KHDRBS3: variants seen among roughly 807,000 people sequenced by gnomAD.
The protein encoded by KHDRBS3 is KH domain-containing, RNA-binding, signal transduction-associated protein 3.
KHDRBS3 carries 23 observed loss-of-function variants against 45.6 expected under a neutral mutation model. The ratio of observed to expected loss-of-function variants is 0.50; its 90% CI spans 0.36 to 0.72. The LOEUF (loss-of-function observed/expected upper bound fraction) is 0.72, where lower values mean the gene tolerates loss of function less well. Among genes scored for constraint, KHDRBS3 ranks in the 30% least tolerant of loss-of-function variants. The pLI is 0.00. For synonymous variants in KHDRBS3, 162 were observed against 156.5 expected (o/e 1.04, Z -0.26); for missense variants, 352 against 424.8 (o/e 0.83, Z 1.51).
intron 7 of KHDRBS3, chr8:135,625,668 A>G: frequency 1.2e-6 from 1 of 822,682 alleles, no homozygotes; most frequent in Middle Eastern, 2.5e-4. Context: ...AACGAATTCA[A>G]AATTTTCCTG....
intron 1 of KHDRBS3, among the ~76,000 whole-genome samples, chr8:135,473,311 A>G (rs1434357528): frequency 6.6e-6 from 1 of 152,060 alleles, no homozygotes; most frequent in Non-Finnish European, 1.5e-5. Context: ...CATTTAGACG[A>G]CGCGCTTTGT....
downstream of KHDRBS3, among the ~76,000 whole-genome samples, chr8:135,649,341 A>G (rs1831382722): frequency 6.6e-6 from 1 of 152,194 alleles, no homozygotes; most frequent in Non-Finnish European, 1.5e-5. Context: ...AATGATGCTT[A>G]TCCCATGCAG....
chr8:135,485,842 T>TTATGTATA (rs1554615384), intron 1 of KHDRBS3, among the ~76,000 whole-genome samples: 1 of 120,346 alleles, frequency 8.3e-6, no homozygotes, highest in African/African-American at 3.7e-5. Flanking sequence ...CATTTCAAGT[T>TTATGTATA]TATATATATA....
chr8:135,588,222 AC>A (rs1221781538), intron 6 of KHDRBS3, among the ~76,000 whole-genome samples: 1 of 152,108 alleles, frequency 6.6e-6, no homozygotes, highest in Non-Finnish European at 1.5e-5. Flanking sequence ...ATTTGTTAGA[AC>A]GGCTCAGAAC....
intron 2 of KHDRBS3, among the ~76,000 whole-genome samples, chr8:135,528,136 CA>C (rs1825286216): frequency 6.6e-6 from 1 of 152,148 alleles, no homozygotes; most frequent in Non-Finnish European, 1.5e-5. Context: ...ATACTATCTG[CA>C]GTAACTTTGT....
At chr8:135,472,905 C>T (rs1280236758) in intron 1 of KHDRBS3, among the ~76,000 whole-genome samples, 1 of 152,144 alleles carries the variant, frequency 6.6e-6, no homozygotes, top group Admixed American at 6.5e-5. Flanking sequence ...ATCCTTGTGG[C>T]TCTATCACCA....
intron 3 of KHDRBS3, among the ~76,000 whole-genome samples, chr8:135,544,707 C>G (rs1826204742): frequency 6.6e-6 from 1 of 152,118 alleles, no homozygotes; most frequent in Non-Finnish European, 1.5e-5. Context: ...CATGGGACAC[C>G]CTGATTTTAC....
At chr8:135,557,244 T>C (rs914052218) in intron 4 of KHDRBS3, among the ~76,000 whole-genome samples, 1 of 152,198 alleles carries the variant, frequency 6.6e-6, no homozygotes, top group African/African-American at 2.4e-5. Context: ...AATTTTAGCT[T>C]GAGGAAAAAA....
chr8:135,640,061 G>GA (rs1056800554), intron 7 of KHDRBS3, among the ~76,000 whole-genome samples: 52 of 152,180 alleles, frequency 3.4e-4, no homozygotes, highest in African/African-American at 1.2e-3. Context: ...AACTTTCAAA[G>GA]AAGAGATTGA....
intron 4 of KHDRBS3, among the ~76,000 whole-genome samples, chr8:135,552,507 C>T (rs374450649): frequency 5.3e-5 from 8 of 152,122 alleles, no homozygotes; most frequent in African/African-American, 1.9e-4. Context: ...TGCTTTTCTC[C>T]CCCTGAGTAT....
chr8:135,635,643 A>G (rs992259098), intron 7 of KHDRBS3, among the ~76,000 whole-genome samples: 2 of 152,230 alleles, frequency 1.3e-5, no homozygotes, highest in Non-Finnish European at 2.9e-5. Context: ...TCGGTCTCCC[A>G]AAGTGCTGGG....
intron 1 of KHDRBS3, among the ~76,000 whole-genome samples, chr8:135,520,387 G>A (rs1203683687): frequency 6.6e-6 from 1 of 152,014 alleles, no homozygotes; most frequent in African/African-American, 2.4e-5. Context: ...TGGGCCATAG[G>A]GTGGATGAAA....
chr8:135,603,853 G>T (rs181758406), intron 6 of KHDRBS3, among the ~76,000 whole-genome samples: 3 of 152,214 alleles, frequency 2.0e-5, no homozygotes, highest in Admixed American at 6.5e-5. Context: ...TGTTTCATGC[G>T]CAGTGGAGAA....
At chr8:135,489,858 T>A (rs1001535792) in intron 1 of KHDRBS3, among the ~76,000 whole-genome samples, 1 of 152,214 alleles carries the variant, frequency 6.6e-6, no homozygotes, top group Non-Finnish European at 1.5e-5. Flanking sequence ...TGTGCAGTGA[T>A]GTCCTAGGCC....
At chr8:135,601,929 A>C (rs1267211326) in intron 6 of KHDRBS3, among the ~76,000 whole-genome samples, 6 of 152,218 alleles carry the variant, frequency 3.9e-5, no homozygotes, top group Non-Finnish European at 8.8e-5. Flanking sequence ...GCAACCAGTG[A>C]TTCAGAACAC....
chr8:135,654,525 C>T (rs956892292), intron 4 of KHDRBS3, among the ~76,000 whole-genome samples: 7 of 152,128 alleles, frequency 4.6e-5, no homozygotes, highest in Non-Finnish European at 7.4e-5. Context: ...CACAGCATGG[C>T]GTCTGGCATG....
At chr8:135,523,713 G>C (rs1471576817) in intron 2 of KHDRBS3, among the ~76,000 whole-genome samples, 2 of 152,098 alleles carry the variant, frequency 1.3e-5, no homozygotes, top group East Asian at 3.9e-4. Context: ...TTAACATTAA[G>C]AACAATATTA....
intron 1 of KHDRBS3, among the ~76,000 whole-genome samples, chr8:135,472,088 G>A (rs1340140404): frequency 1.3e-5 from 2 of 152,206 alleles, no homozygotes; most frequent in Non-Finnish European, 2.9e-5. Flanking sequence ...CTTTCAGAAT[G>A]CAAGTGAAAG....
Position 135,536,234 on chromosome 8 carries a change from G to GTTTTT in KHDRBS3, c.208-6396_208-6392dup, listed in dbSNP as rs374782370. Reference sequence around the variant, plus strand: ...TCAGTGTTAATTTGCTTTCTGTCCAGTTTTTTTTTTTTTTTTTTTTTTTTT... The same window carrying GTTTTT: ...TCAGTGTTAATTTGCTTTCTGTCCAGTTTTTTTTTTTTTTTTTTTTTTTTTTTTTT... On this transcript the variant is annotated intron_variant, in intron 2 of 8. Transcript: ENST00000355849. Among the ~76,000 whole-genome samples, 63 of 86,416 alleles carry GTTTTT rather than the reference G, an allele frequency of 7.3e-4. 1 individual carries two copies. The highest frequency in any genetic ancestry group is 3.0e-3 in the East Asian group (6 of 1,990). 56.7% of individuals were successfully genotyped at this position (86,416 alleles called of 152,430 possible). A position where few individuals can be genotyped will look rare whatever the true frequency, so the allele number is the denominator to read the frequency against.
Sources: gnomAD v4.1 joint callset for allele counts (sites outside exome capture counted in the v4.1 genomes callset) on GRCh38, gnomAD v4.1.1 for gene constraint, MANE v1.5 for transcripts, NCBI Gene and HGNC (gene_info 2026-07-23, HGNC 2026-07-21) for gene names.